Variants in CTNNA3 observed in about 807,000 individuals in gnomAD.
The protein encoded by CTNNA3 is catenin alpha-3.
A neutral mutation model predicts 95.7 loss-of-function variants in CTNNA3; 76 were observed. The observed-to-expected ratio is 0.79, with a 90% CI of 0.66 to 0.96. The LOEUF (loss-of-function observed/expected upper bound fraction) is 0.96, where lower values mean the gene tolerates loss of function less well. Among genes scored for constraint, CTNNA3 ranks in the 40% least tolerant of loss-of-function variants. The probability of loss-of-function intolerance (pLI) is 0.00; values close to 1 mark genes in which losing one functional copy is unlikely to be tolerated. For missense variants in CTNNA3, 1,191 were observed against 1,089.8 expected (o/e 1.09, Z -1.31); for synonymous variants, 431 against 374.4 (o/e 1.15, Z -1.74).
intron 7 of CTNNA3, among the ~76,000 whole-genome samples, chr10:67,068,179 G>A (rs997772402): frequency 6.6e-6 from 1 of 152,120 alleles, no homozygotes; most frequent in Non-Finnish European, 1.5e-5. Flanking sequence ...AAGAGAAGGG[G>A]GGAAGGATAT....
At chr10:66,534,774 C>T (rs2132059695) in intron 10 of CTNNA3, among the ~76,000 whole-genome samples, 1 of 150,752 alleles carries the variant, frequency 6.6e-6, no homozygotes, top group African/African-American at 2.4e-5. Flanking sequence ...GATTAGAAAA[C>T]ATAAATTAAC....
chr10:66,798,668 G>T (rs989276489), intron 7 of CTNNA3, among the ~76,000 whole-genome samples: 10 of 151,626 alleles, frequency 6.6e-5, no homozygotes, highest in Non-Finnish European at 5.9e-5. Context: ...GAGTTGAGGT[G>T]CATACAGGTA....
At chr10:67,071,182 C>T (rs1378788334) in intron 7 of CTNNA3, among the ~76,000 whole-genome samples, 1 of 152,122 alleles carries the variant, frequency 6.6e-6, no homozygotes, top group Non-Finnish European at 1.5e-5. Flanking sequence ...AATGCATTTA[C>T]ACTCTCCAGC....
At chr10:67,479,504 TG>T (rs566318239) in intron 5 of CTNNA3, among the ~76,000 whole-genome samples, 114 of 152,280 alleles carry the variant, frequency 7.5e-4, no homozygotes, top group African/African-American at 2.6e-3. Context: ...AAATGACTTT[TG>T]GGTAAACAAC....
intron 12 of CTNNA3, among the ~76,000 whole-genome samples, chr10:66,360,996 A>T (rs1286019007): frequency 6.8e-6 from 1 of 147,380 alleles, no homozygotes; most frequent in Non-Finnish European, 1.5e-5. Context: ...TCACTCCATC[A>T]CCCCAGCTGG....
chr10:66,871,095 T>C (rs1179209201), intron 7 of CTNNA3, among the ~76,000 whole-genome samples: 2 of 152,180 alleles, frequency 1.3e-5, no homozygotes, highest in African/African-American at 4.8e-5. Context: ...TGTTTGTTTG[T>C]TTGCTTGATT....
chr10:67,010,444 T>G (rs117925055), intron 7 of CTNNA3, among the ~76,000 whole-genome samples: 1 of 152,366 alleles, frequency 6.6e-6, no homozygotes, highest in East Asian at 1.9e-4. Context: ...ATTGCTGACT[T>G]AATGATGCCT....
intron 7 of CTNNA3, among the ~76,000 whole-genome samples, chr10:67,173,251 C>T (rs1021640925): frequency 7.9e-5 from 12 of 152,130 alleles, no homozygotes; most frequent in African/African-American, 2.9e-4. Flanking sequence ...TGTGATGGCT[C>T]ACATCTCTTT....
rs541721705 is a variant in CTNNA3 at position 67,382,882 on chromosome 10, C to T, written c.579+138960G>A. On this transcript the variant is annotated intron_variant, in intron 5 of 17. Transcript: ENST00000433211. Reference sequence around the variant, plus strand: ...CTTAAACAGTCAGATTTCATGTGAACTCATACAGTAAGAATTCATTCATTA... The same window carrying T: ...CTTAAACAGTCAGATTTCATGTGAATTCATACAGTAAGAATTCATTCATTA... Among the ~76,000 whole-genome samples the T allele has an allele frequency of 2.6e-5, 4 of 152,176 alleles. No individual in the cohort carries two copies. The East Asian group carries it at 7.7e-4, about 29-fold the overall frequency.
At chr10:66,134,000 G>A (rs529767205) in intron 13 of CTNNA3, among the ~76,000 whole-genome samples, 1 of 151,994 alleles carries the variant, frequency 6.6e-6, no homozygotes, top group Non-Finnish European at 1.5e-5. Context: ...GCAATGCAAT[G>A]AAATAAAAGA....
At chr10:67,282,274 C>G (rs1839429951) in intron 5 of CTNNA3, among the ~76,000 whole-genome samples, 1 of 152,050 alleles carries the variant, frequency 6.6e-6, no homozygotes, top group African/African-American at 2.4e-5. Context: ...CTTGAACATA[C>G]AAAAATGTTC....
intron 15 of CTNNA3, among the ~76,000 whole-genome samples, chr10:66,013,355 A>T (rs556944879): frequency 6.6e-6 from 1 of 152,260 alleles, no homozygotes; most frequent in Non-Finnish European, 1.5e-5. Flanking sequence ...GTCAAAAACT[A>T]TAAGTCTATA....
intron 4 of CTNNA3, among the ~76,000 whole-genome samples, chr10:67,531,903 G>A (rs568677942): frequency 6.6e-6 from 1 of 152,220 alleles, no homozygotes; most frequent in South Asian, 2.1e-4. Flanking sequence ...AGTCTCAGGA[G>A]ATCTGATGGT....
At chr10:67,120,353 T>G (rs1227277373) in intron 7 of CTNNA3, among the ~76,000 whole-genome samples, 1 of 151,914 alleles carries the variant, frequency 6.6e-6, no homozygotes, top group Non-Finnish European at 1.5e-5. Flanking sequence ...TTAGACTGTA[T>G]AAGCTTCCTT....
intron 10 of CTNNA3, among the ~76,000 whole-genome samples, chr10:66,542,847 C>T (rs2132081417): frequency 6.6e-6 from 1 of 151,880 alleles, no homozygotes; most frequent in East Asian, 1.9e-4. Context: ...TGTAACAAGC[C>T]TGCACGTTGT....
At chr10:67,611,216 G>A (rs1843443255) in intron 2 of CTNNA3, among the ~76,000 whole-genome samples, 1 of 152,084 alleles carries the variant, frequency 6.6e-6, no homozygotes, top group African/African-American at 2.4e-5. Context: ...ATGCTCTAAA[G>A]ATGCTGAAAA....
intron 15 of CTNNA3, among the ~76,000 whole-genome samples, chr10:65,990,165 T>C (rs534042405): frequency 6.6e-6 from 1 of 151,924 alleles, no homozygotes; most frequent in African/African-American, 2.4e-5. Context: ...ATCTTTGCTA[T>C]TGTGAATAAT....
At chr10:66,045,264 A>C (rs1195119318) in intron 15 of CTNNA3, among the ~76,000 whole-genome samples, 1 of 152,172 alleles carries the variant, frequency 6.6e-6, no homozygotes, top group African/African-American at 2.4e-5. Context: ...ACTACTCTAT[A>C]CTGGGAGGAA....
At chr10:66,992,977 G>T (rs1384427826) in intron 7 of CTNNA3, among the ~76,000 whole-genome samples, 1 of 152,014 alleles carries the variant, frequency 6.6e-6, no homozygotes. Flanking sequence ...TGGTGTTTCA[G>T]TTATTTATTG....
Sources: gnomAD v4.1 joint callset for allele counts (sites outside exome capture counted in the v4.1 genomes callset) on GRCh38, gnomAD v4.1.1 for gene constraint, MANE v1.5 for transcripts, NCBI Gene and HGNC (gene_info 2026-07-23, HGNC 2026-07-21) for gene names.